The following DOCK3 variants were observed in gnomAD, a reference collection of about 807,000 sequenced individuals.
DOCK3 encodes dedicator of cytokinesis protein 3.
In DOCK3, 60 loss-of-function variants were observed where a neutral mutation model predicts 265.6. That is an observed-to-expected ratio of 0.23 (90% confidence interval 0.18 to 0.28). The LOEUF is 0.28. DOCK3 is among the 10% of genes least tolerant of loss of function. The probability of loss-of-function intolerance (pLI) is 1.00; values close to 1 mark genes in which losing one functional copy is unlikely to be tolerated. For missense variants in DOCK3, 1,981 were observed against 2,594.3 expected (o/e 0.76, Z 5.14); for synonymous variants, 881 against 938.0 (o/e 0.94, Z 1.11).
intron 27 of DOCK3, among the ~76,000 whole-genome samples, chr3:51,296,361 A>T (rs570863733): frequency 1.3e-5 from 2 of 152,350 alleles, no homozygotes; most frequent in African/African-American, 4.8e-5. Flanking sequence ...AAAGATTCAC[A>T]GTTCCCATTT....
At chr3:51,053,459 G>A (rs949217908) in intron 5 of DOCK3, among the ~76,000 whole-genome samples, 21 of 132,618 alleles carry the variant, frequency 1.6e-4, no homozygotes, top group African/African-American at 4.9e-4. Context: ...GTCTTGCTCT[G>A]TCCCCCAGGC....
intron 1 of DOCK3, among the ~76,000 whole-genome samples, chr3:50,769,035 T>C (rs1289087043): frequency 6.6e-6 from 1 of 151,820 alleles, no homozygotes; most frequent in Admixed American, 6.6e-5. Flanking sequence ...TACCTGTTCA[T>C]CACATTTATG....
At chr3:51,096,107 G>C (rs1489604904) in intron 9 of DOCK3, among the ~76,000 whole-genome samples, 1 of 151,926 alleles carries the variant, frequency 6.6e-6, no homozygotes, top group African/African-American at 2.4e-5. Flanking sequence ...GGTTGCTCTT[G>C]TGTCTTGGGG....
At chr3:51,349,202 A>G (rs541241542) in intron 39 of DOCK3, among the ~76,000 whole-genome samples, 2 of 152,280 alleles carry the variant, frequency 1.3e-5, no homozygotes, top group South Asian at 4.1e-4. Context: ...TGGTTTCAAG[A>G]AGGAGGTGGC....
chr3:50,846,794 T>C (rs185821052), intron 3 of DOCK3, among the ~76,000 whole-genome samples: 1 of 152,192 alleles, frequency 6.6e-6, no homozygotes, highest in Non-Finnish European at 1.5e-5. Context: ...TCCAATTTGC[T>C]GTAGATCTTC....
At chr3:50,718,000 A>G (rs543996151) in intron 1 of DOCK3, among the ~76,000 whole-genome samples, 2 of 152,348 alleles carry the variant, frequency 1.3e-5, no homozygotes, top group South Asian at 4.1e-4. Context: ...AGCATTCACA[A>G]TATATATCAA....
chr3:51,120,558 C>T lies in DOCK3; in HGVS notation c.747-25991C>T, dbSNP rs563480469. 7.9e-5 allele frequency among the ~76,000 whole-genome samples: 12 copies of T among 152,286 alleles called. No homozygotes were observed. In the South Asian group the frequency reaches 1.9e-3, roughly 24 times the overall value. ...GAAACGTTTATGTCTGCTGAAGCTG[C>T]GCCCACACCTGCCACTTCCCCCAGG... On this transcript the variant is annotated intron_variant, in intron 9 of 52. Coordinates refer to ENST00000266037, the MANE Select transcript of DOCK3 (RefSeq NM_004947.5).
chr3:50,856,262 C>A (rs1373690697), intron 3 of DOCK3, among the ~76,000 whole-genome samples: 1 of 152,236 alleles, frequency 6.6e-6, no homozygotes, highest in Non-Finnish European at 1.5e-5. Context: ...AATCACCACA[C>A]TGTCTTCACA....
intron 1 of DOCK3, among the ~76,000 whole-genome samples, chr3:50,714,298 A>G (rs2036959958): frequency 1.3e-5 from 2 of 152,308 alleles, no homozygotes; most frequent in East Asian, 3.9e-4. Context: ...TAAAGTCCAC[A>G]TTTCTTAAAA....
At chr3:50,878,848 G>T (rs1440747739) in intron 3 of DOCK3, among the ~76,000 whole-genome samples, 1 of 152,178 alleles carries the variant, frequency 6.6e-6, no homozygotes, top group Non-Finnish European at 1.5e-5. Flanking sequence ...AAGTTGAAAT[G>T]AAGGAAAAAA....
At chr3:51,358,521 C>G (rs1204565478) in intron 46 of DOCK3, among the ~76,000 whole-genome samples, 3 of 152,192 alleles carry the variant, frequency 2.0e-5, no homozygotes, top group Non-Finnish European at 2.9e-5. Flanking sequence ...TCTTTCTCCT[C>G]CCTCTAATCG....
chr3:51,208,993 C>T (rs2108142485), intron 13 of DOCK3, 131 bp downstream of exon 13: 1 of 736,278 alleles, frequency 1.4e-6, no homozygotes, highest in East Asian at 2.7e-5. Context: ...GAGGCATTTC[C>T]TACTCATTCT....
intron 1 of DOCK3, chr3:50,719,722 TATC>T: frequency 1.4e-6 from 2 of 1,399,542 alleles, no homozygotes. Flanking sequence ...GTGAAGTTCT[TATC>T]ATCAAATTTC....
At chr3:50,780,105 C>T (rs1185330147) in intron 2 of DOCK3, among the ~76,000 whole-genome samples, 2 of 152,076 alleles carry the variant, frequency 1.3e-5, no homozygotes, top group East Asian at 1.9e-4. Context: ...GGGAGCTACA[C>T]GTACCGTTTT....
intron 1 of DOCK3, among the ~76,000 whole-genome samples, chr3:50,759,761 G>C (rs2040413542): frequency 6.6e-6 from 1 of 151,638 alleles, no homozygotes; most frequent in Non-Finnish European, 1.5e-5. Flanking sequence ...GGGAGGCTGA[G>C]GTGGGAGTAT....
chr3:50,743,239 G>A (rs905857953), intron 1 of DOCK3, among the ~76,000 whole-genome samples: 14 of 151,850 alleles, frequency 9.2e-5, no homozygotes, highest in Admixed American at 2.6e-4. Context: ...CTGCAAAATC[G>A]TGCCAAATTG....
intron 9 of DOCK3, among the ~76,000 whole-genome samples, chr3:51,102,758 A>G (rs577439111): frequency 6.6e-6 from 1 of 152,382 alleles, no homozygotes; most frequent in Non-Finnish European, 1.5e-5. Flanking sequence ...GGTATGAGAG[A>G]AAAATAGAAA....
intron 2 of DOCK3, among the ~76,000 whole-genome samples, chr3:50,825,220 C>T (rs1158537701): frequency 1.3e-5 from 2 of 152,008 alleles, no homozygotes; most frequent in Non-Finnish European, 2.9e-5. Context: ...CTCTGAAACA[C>T]TACAAAAAAG....
At chr3:50,770,030 C>G (rs949909548) in intron 1 of DOCK3, among the ~76,000 whole-genome samples, 1 of 151,904 alleles carries the variant, frequency 6.6e-6, no homozygotes, top group Non-Finnish European at 1.5e-5. Flanking sequence ...AAAGCCTTTC[C>G]TCTAAGATCT....
Sources: gnomAD v4.1 joint callset for allele counts (sites outside exome capture counted in the v4.1 genomes callset) on GRCh38, gnomAD v4.1.1 for gene constraint, MANE v1.5 for transcripts, NCBI Gene and HGNC (gene_info 2026-07-23, HGNC 2026-07-21) for gene names.